Variants in SPIDR observed in about 807,000 individuals in gnomAD.
SPIDR encodes the protein DNA repair-scaffolding protein.
A neutral mutation model predicts 104.6 loss-of-function variants in SPIDR; 93 were observed. That is an observed-to-expected ratio of 0.89 (90% CI 0.75 to 1.06). The LOEUF (loss-of-function observed/expected upper bound fraction) is 1.06. Among genes scored for constraint, SPIDR ranks in the 50% least tolerant of loss-of-function variants. The probability of loss-of-function intolerance (pLI) is 0.00; values close to 1 mark genes in which losing one functional copy is unlikely to be tolerated. For missense variants in SPIDR, 1,154 were observed against 1,111.2 expected (o/e 1.04, Z -0.55); for synonymous variants, 431 against 416.9 (o/e 1.03, Z -0.41).
At chr8:47,735,227 G>C in intron 19 of SPIDR, 80 bp from the exon 20 acceptor site, 2 of 1,402,700 alleles carry the variant, frequency 1.4e-6, no homozygotes. Flanking sequence ...CTTCCACTCT[G>C]GCTCTCTGGT....
chr8:47,502,121 G>T (rs1016080293), intron 8 of SPIDR, among the ~76,000 whole-genome samples: 3 of 152,150 alleles, frequency 2.0e-5, no homozygotes, highest in South Asian at 2.1e-4. Flanking sequence ...TTGTGTCTCT[G>T]CCAGGCTTTG....
At chr8:47,572,529 G>A (rs2058641705) in intron 8 of SPIDR, among the ~76,000 whole-genome samples, 1 of 151,996 alleles carries the variant, frequency 6.6e-6, no homozygotes, top group Admixed American at 6.6e-5. Context: ...GGGCATGGTG[G>A]CGGACACCTG....
intron 11 of SPIDR, among the ~76,000 whole-genome samples, chr8:47,694,852 T>G (rs1381424245): frequency 6.6e-6 from 1 of 152,182 alleles, no homozygotes; most frequent in Non-Finnish European, 1.5e-5. Context: ...GTATTCACCT[T>G]ATTAGAAATT....
intron 1 of SPIDR, among the ~76,000 whole-genome samples, chr8:47,271,293 T>G (rs2035267915): frequency 6.6e-6 from 1 of 152,198 alleles, no homozygotes; most frequent in Non-Finnish European, 1.5e-5. Context: ...TTTCTTCAAA[T>G]ATTCTTTTTA....
Position 47,260,947 on chromosome 8 carries a change from G to GCGCTCCCGGAGATGCCC in SPIDR, c.-8_9dup. 1 of 1,228,744 alleles carries GCGCTCCCGGAGATGCCC rather than the reference G, an allele frequency of 8.1e-7. No homozygotes were observed. 76.1% of individuals were successfully genotyped at this position (1,228,744 alleles called of 1,614,324 possible). ...GCTGAGGAGGCGGTGCGCTCAGGCG[G>GCGCTCCCGGAGATGCCC]CGCTCCCGGAGATGCCCCGCGGCAG... On this transcript the variant is annotated 5_prime_UTR_variant, in exon 1 of 20. In the 5' UTR this introduces an upstream ATG that the reference lacks. Transcript: ENST00000297423.
At chr8:47,592,535 G>T in intron 8 of SPIDR, 1 of 1,358,692 alleles carries the variant, frequency 7.4e-7, no homozygotes, top group Non-Finnish European at 1.0e-6. Flanking sequence ...ATCTGGTTCT[G>T]CTTTGATGCC....
chr8:47,735,731 G>T lies in SPIDR; in HGVS notation c.*281G>T. On this transcript the variant is annotated 3_prime_UTR_variant, in exon 20 of 20. Coordinates refer to ENST00000297423, the MANE Select transcript of SPIDR (RefSeq NM_001080394.4). ...GTTTAAGCTCTTCATTTGGTATTTA[G>T]GCAATATATGAGAAAAAAATTTTTT... 2 of 703,086 alleles carry T rather than the reference G, an allele frequency of 2.8e-6. No homozygotes were observed. The highest frequency in any genetic ancestry group is 2.2e-5 in the South Asian group (1 of 44,884). The allele number at this position is 703,086 out of a possible 1,614,324, so 43.6% of individuals were successfully genotyped here. A position where few individuals can be genotyped will look rare whatever the true frequency, so the allele number is the denominator to read the frequency against.
chr8:47,735,944 T>C lies in SPIDR; in HGVS notation c.*494T>C. 1 of 232,598 alleles carries C rather than the reference T, an allele frequency of 4.3e-6. No individual in the cohort carries two copies. The allele number at this position is 232,598 out of a possible 1,614,324, so 14.4% of individuals were successfully genotyped here. On this transcript the variant is annotated 3_prime_UTR_variant, in exon 20 of 20. Coordinates refer to ENST00000297423, the MANE Select transcript of SPIDR (RefSeq NM_001080394.4). ...TTGCAGTTCACTACTTTTGGGAAAA[T>C]GTTCTAGGGAACTGTATCACAGGTG...
At chr8:47,358,664 A>G (rs985692442) in intron 5 of SPIDR, among the ~76,000 whole-genome samples, 42 of 152,226 alleles carry the variant, frequency 2.8e-4, no homozygotes, top group Non-Finnish European at 7.3e-5. Flanking sequence ...TAAACATGGC[A>G]TGGCATTGGC....
In SPIDR at chr8:47,440,333, TGG is replaced by T; in HGVS notation, c.889_890del (p.Gly297CysfsTer11). The T allele has an allele frequency of 6.2e-7, 1 of 1,613,994 alleles. No homozygotes were observed. Among genetic ancestry groups the T allele is most frequent in the Non-Finnish European group, 8.5e-7 (1 of 1,179,852 alleles). On this transcript the variant is annotated frameshift_variant, in exon 8 of 20. Transcript: ENST00000297423. LOFTEE classifies it high-confidence loss of function. ...TTCTTCAACTTCTAGGTAGAAAATC[TGG>T]TGTATTAACTGTGAAAATTTTAGAG... is the stretch of plus-strand genomic sequence containing the variant. Reference protein sequence around the residue: ...YQKTLSGRKSGVLTVKILELH... With the variant: ...YQKTLSGRKSXVLTVKILELH...
intron 1 of SPIDR, among the ~76,000 whole-genome samples, chr8:47,274,583 T>C (rs2035989590): frequency 6.6e-6 from 1 of 152,008 alleles, no homozygotes; most frequent in African/African-American, 2.4e-5. Context: ...TCAGAATTTT[T>C]TTTTTTTTTC....
chr8:47,328,154 A>G (rs76388619), intron 5 of SPIDR, among the ~76,000 whole-genome samples: 2,228 of 152,098 alleles, frequency 0.015, 56 homozygotes, highest in African/African-American at 0.051. Flanking sequence ...ATCCACGATC[A>G]TGAAGATCTA....
chr8:47,586,420 T>C (rs1313666726), intron 8 of SPIDR, among the ~76,000 whole-genome samples: 2 of 152,212 alleles, frequency 1.3e-5, no homozygotes, highest in Non-Finnish European at 2.9e-5. Flanking sequence ...TCAATGTTGA[T>C]ATTATGTTTT....
intron 7 of SPIDR, among the ~76,000 whole-genome samples, chr8:47,416,959 C>T (rs190378992): frequency 1.3e-5 from 2 of 152,118 alleles, no homozygotes; most frequent in Non-Finnish European, 2.9e-5. Context: ...ATGAACTCAT[C>T]CTTTTTTTAT....
At chr8:47,320,515 G>T (rs1554594239) in intron 5 of SPIDR, among the ~76,000 whole-genome samples, 3 of 152,120 alleles carry the variant, frequency 2.0e-5, no homozygotes, top group African/African-American at 7.2e-5. Flanking sequence ...TTCTACCAGA[G>T]GTACAAGGAG....
In SPIDR at chr8:47,498,181, C is replaced by T. The variant is rs537918395; in HGVS notation, c.1097+57639C>T. Among the ~76,000 whole-genome samples the T allele has an allele frequency of 5.9e-5, 9 of 152,298 alleles. No individual in the cohort carries two copies. In the South Asian group the frequency reaches 8.3e-4, roughly 14 times the overall value. On this transcript the variant is annotated intron_variant, in intron 8 of 19. Coordinates refer to ENST00000297423, the MANE Select transcript of SPIDR (RefSeq NM_001080394.4). The stretch of plus-strand genomic sequence containing the variant: ...TGGAGGACAGATGATGCCTCTCTCT[C>T]TCTGTCTCTCTTTCTCTCCCTTGTT...
chr8:47,545,124 T>G (rs902849927), intron 8 of SPIDR, among the ~76,000 whole-genome samples: 6 of 146,712 alleles, frequency 4.1e-5, no homozygotes, highest in African/African-American at 1.5e-4. Context: ...TCTTTCTTTT[T>G]TTTTTTTTTT....
intron 8 of SPIDR, among the ~76,000 whole-genome samples, chr8:47,580,315 A>G (rs1324080333): frequency 1.3e-5 from 2 of 152,234 alleles, no homozygotes; most frequent in African/African-American, 2.4e-5. Flanking sequence ...TGCTGAAGGT[A>G]TAATTCACAG....
chr8:47,680,464 A>G (rs2076957855), intron 11 of SPIDR, among the ~76,000 whole-genome samples: 1 of 152,164 alleles, frequency 6.6e-6, no homozygotes, highest in African/African-American at 2.4e-5. Flanking sequence ...AGTGCTGGAG[A>G]GGGAACCCTT....
Sources: allele counts gnomAD v4.1 joint callset (sites outside exome capture counted in the v4.1 genomes callset), GRCh38; gene constraint gnomAD v4.1.1; transcripts MANE v1.5; gene names NCBI Gene and HGNC (gene_info 2026-07-23, HGNC 2026-07-21).